The following FARSB variants were observed in gnomAD, a reference collection of about 807,000 sequenced individuals.
FARSB encodes phenylalanyl-tRNA synthetase subunit beta, also known as phenylalanine--tRNA ligase beta subunit.
A neutral mutation model predicts 69.6 loss-of-function variants in FARSB; 40 were observed. The observed-to-expected ratio is 0.57, with a 90% CI of 0.45 to 0.75. The LOEUF (loss-of-function observed/expected upper bound fraction) is 0.75, where lower values mean the gene tolerates loss of function less well. Among genes scored for constraint, FARSB ranks in the 30% least tolerant of loss-of-function variants. The probability of loss-of-function intolerance (pLI) is 0.00; values close to 1 mark genes in which losing one functional copy is unlikely to be tolerated. For missense variants in FARSB, 632 were observed against 722.9 expected, an observed-to-expected ratio of 0.87 and a Z score of 1.44; for synonymous variants, 235 against 247.2, an observed-to-expected ratio of 0.95 and a Z score of 0.46.
chr2:222,643,774 G>A (rs1691780894), intron 2 of FARSB, among the ~76,000 whole-genome samples: 1 of 152,190 alleles, frequency 6.6e-6, no homozygotes, highest in Non-Finnish European at 1.5e-5. Context: ...GCAGCCAAGA[G>A]GGAGATGACA....
intron 15 of FARSB, among the ~76,000 whole-genome samples, chr2:222,607,270 C>T (rs1281140303): frequency 6.6e-6 from 1 of 152,150 alleles, no homozygotes; most frequent in Non-Finnish European, 1.5e-5. Flanking sequence ...TAGATGTTTA[C>T]ACCTATGGAA....
intron 10 of FARSB, among the ~76,000 whole-genome samples, chr2:222,625,728 G>T (rs1222632693): frequency 1.3e-5 from 2 of 152,172 alleles, no homozygotes; most frequent in East Asian, 3.8e-4. Flanking sequence ...GAGCTGAACA[G>T]TACGAGATGC....
chr2:222,644,594 C>G (rs115328148), intron 2 of FARSB: 1 of 434,896 alleles, frequency 2.3e-6, no homozygotes, highest in Admixed American at 2.5e-5. Flanking sequence ...ATATAATAAC[C>G]GGAGAAATGA....
At chr2:222,641,150 T>C (rs1434523586) in intron 3 of FARSB, among the ~76,000 whole-genome samples, 2 of 151,416 alleles carry the variant, frequency 1.3e-5, no homozygotes, top group Non-Finnish European at 2.9e-5. Context: ...ATAAGATGCC[T>C]CATAGTAATG....
At chr2:222,575,290 G>A (rs1346673701) in intron 16 of FARSB, among the ~76,000 whole-genome samples, 1 of 152,226 alleles carries the variant, frequency 6.6e-6, no homozygotes, top group African/African-American at 2.4e-5. Context: ...ATGAGTCTAG[G>A]CTTGTGAAAA....
chr2:222,644,917 CAAAACTGTGGAGGCAA>C (rs1691809832), intron 2 of FARSB, among the ~76,000 whole-genome samples: 1 of 149,796 alleles, frequency 6.7e-6, no homozygotes, highest in African/African-American at 2.5e-5. Flanking sequence ...TGCAGGTAAC[CAAAACTGTGGAGGCAA>C]AAAACTGTGG....
chr2:222,642,135 G>A (rs28456362), intron 3 of FARSB, among the ~76,000 whole-genome samples: 45,441 of 151,756 alleles, frequency 0.3, 7,524 homozygotes, highest in Non-Finnish European at 0.37. Flanking sequence ...TGAGTAGCTG[G>A]GATTACAGGT....
At chr2:222,636,385 C>CAAAAA (rs34295305) in intron 5 of FARSB, among the ~76,000 whole-genome samples, 3 of 96,704 alleles carry the variant, frequency 3.1e-5, no homozygotes, top group East Asian at 3.8e-4. Flanking sequence ...GACTCTATCT[C>CAAAAA]AAAAAAAAAA....
chr2:222,591,158 G>A (rs565105535), intron 16 of FARSB, among the ~76,000 whole-genome samples: 1 of 150,434 alleles, frequency 6.6e-6, no homozygotes, highest in East Asian at 2.0e-4. Context: ...AGCGAGCTAT[G>A]ATCATCAAGC....
At chr2:222,599,903 T>A (rs773483382) in intron 16 of FARSB, 25 bp downstream of exon 16, 34 of 1,546,442 alleles carry the variant, frequency 2.2e-5, no homozygotes, top group Non-Finnish European at 2.8e-5. Flanking sequence ...TGTCACTAAC[T>A]CTGGATTCGG....
Position 222,633,252 on chromosome 2 carries a change from G to A in FARSB, c.662C>T (p.Pro221Leu). Residue 221 changes from proline (P) to leucine (L), a missense_variant, in exon 7 of 17, where the codon CCA becomes CTA. Coordinates refer to ENST00000281828, the MANE Select transcript of FARSB (RefSeq NM_005687.5). ...LHIIENKPLY[P>L]VIYDSNGVVL... ...GACACCATTGCTATCATAGATAACT[G>A]GATACAGGGGTTTGTTTTCAATGAT... 2 of 1,585,032 alleles carry A rather than the reference G, an allele frequency of 1.3e-6. No homozygotes were observed. The highest frequency in any genetic ancestry group is 1.7e-6 in the Non-Finnish European group (2 of 1,160,864).
At chr2:222,624,556 A>T in intron 11 of FARSB, 77 bp from the exon 12 acceptor site, 1 of 1,018,440 alleles carries the variant, frequency 9.8e-7, no homozygotes, top group Non-Finnish European at 1.5e-6. Context: ...AACATATGCT[A>T]CTAGCTGAAA....
chr2:222,578,758 T>A (rs1689896038), intron 16 of FARSB, among the ~76,000 whole-genome samples: 1 of 151,776 alleles, frequency 6.6e-6, no homozygotes, highest in East Asian at 1.9e-4. Flanking sequence ...GGCAGGTGGA[T>A]CATGAGGTCA....
At chr2:222,624,141 G>A in intron 12 of FARSB, 131 bp downstream of exon 12, 1 of 677,000 alleles carries the variant, frequency 1.5e-6, no homozygotes, top group South Asian at 1.8e-5. Flanking sequence ...CCTCTCCACA[G>A]CAAATGCCTC....
rs71053093 is a variant in FARSB, at chr2:222,605,161, T to TTCTCTCTCTCTCTCTCTCTCTC, written c.1463-5100_1463-5079dup. Among the ~76,000 whole-genome samples the TTCTCTCTCTCTCTCTCTCTCTC allele has an allele frequency of 4.8e-3, 642 of 132,690 alleles. 19 individuals carry two copies. The highest frequency in any genetic ancestry group is 0.01 in the African/African-American group (350 of 33,516). 87.0% of individuals were successfully genotyped at this position (132,690 alleles called of 152,430 possible). On this transcript the variant is annotated intron_variant, in intron 15 of 16. Transcript: ENST00000281828. Reference sequence around the variant, plus strand: ...TGATTCCACTGTAGGAATACAAACTTTCTCTCTCTCTCTCTCTCTCTCTCT... The same window carrying TTCTCTCTCTCTCTCTCTCTCTC: ...TGATTCCACTGTAGGAATACAAACTTTCTCTCTCTCTCTCTCTCTCTCTCTCTCTCTCTCTCTCTCTCTCTCT...
chr2:222,624,614 G>C, intron 11 of FARSB, 100 bp downstream of exon 11: 1 of 933,818 alleles, frequency 1.1e-6, no homozygotes, highest in South Asian at 1.5e-5. Flanking sequence ...TATCTTAACT[G>C]ATGTTTTATC....
chr2:222,597,359 A>G (rs1270678218), intron 16 of FARSB, among the ~76,000 whole-genome samples: 1 of 152,120 alleles, frequency 6.6e-6, no homozygotes, highest in Admixed American at 6.6e-5. Flanking sequence ...AAACCAAAAT[A>G]ACAACCTGGC....
At chr2:222,581,143 A>G (rs1304336622) in intron 16 of FARSB, among the ~76,000 whole-genome samples, 2 of 152,118 alleles carry the variant, frequency 1.3e-5, no homozygotes, top group Non-Finnish European at 2.9e-5. Context: ...ACCCCAGTGT[A>G]AAACAAAATA....
chr2:222,607,607 G>A (rs776962782), intron 15 of FARSB, among the ~76,000 whole-genome samples: 1 of 151,462 alleles, frequency 6.6e-6, no homozygotes, highest in Non-Finnish European at 1.5e-5. Flanking sequence ...AAAAGGGCCG[G>A]CAACTAATTC....
Sources: allele counts gnomAD v4.1 joint callset (sites outside exome capture counted in the v4.1 genomes callset), GRCh38; gene constraint gnomAD v4.1.1; transcripts MANE v1.5; gene names NCBI Gene and HGNC (gene_info 2026-07-23, HGNC 2026-07-21).